RARS2: variants seen among roughly 807,000 people sequenced by gnomAD.
The protein encoded by RARS2 is arginyl-tRNA synthetase 2, mitochondrial.
A neutral mutation model predicts 88.5 loss-of-function variants in RARS2; 67 were observed. The ratio of observed to expected loss-of-function variants is 0.76; its 90% CI spans 0.62 to 0.93. The LOEUF is 0.93. RARS2 is among the 40% of genes least tolerant of loss of function. The pLI, the probability that RARS2 is intolerant of heterozygous loss-of-function variation, is 0.00. For synonymous variants in RARS2, 239 were observed against 230.3 expected (o/e 1.04, Z -0.34); for missense variants, 664 against 684.2 (o/e 0.97, Z 0.33).
intron 11 of RARS2, among the ~76,000 whole-genome samples, chr6:87,523,069 A>G (rs996369954): frequency 6.6e-6 from 1 of 152,214 alleles, no homozygotes; most frequent in Non-Finnish European, 1.5e-5. Flanking sequence ...AAATGTTGAG[A>G]AACAGTTGTA....
intron 8 of RARS2, among the ~76,000 whole-genome samples, chr6:87,536,375 A>C (rs894674747): frequency 6.6e-6 from 1 of 152,144 alleles, no homozygotes; most frequent in Non-Finnish European, 1.5e-5. Context: ...GGTGGCTCAC[A>C]CCTGTAATCC....
At chr6:87,570,238 T>G (rs1041747024) in intron 1 of RARS2, among the ~76,000 whole-genome samples, 1 of 152,112 alleles carries the variant, frequency 6.6e-6, no homozygotes, top group African/African-American at 2.4e-5. Context: ...ACTCCTGGCC[T>G]CATGTGATCC....
intron 1 of RARS2, among the ~76,000 whole-genome samples, chr6:87,575,887 C>T (rs1442098327): frequency 6.6e-6 from 1 of 150,546 alleles, no homozygotes; most frequent in Admixed American, 6.6e-5. Flanking sequence ...TGTGATCGCT[C>T]ACTGCAACCT....
At chr6:87,538,851 T>C (rs867806881) in intron 8 of RARS2, among the ~76,000 whole-genome samples, 7 of 151,966 alleles carry the variant, frequency 4.6e-5, no homozygotes, top group African/African-American at 1.2e-4. Context: ...CTGGGCAACA[T>C]AGGGAGACCC....
rs983738364 is a variant in RARS2, at chr6:87,535,447, AT to A, written c.613-4506del. 2.7e-4 allele frequency among the ~76,000 whole-genome samples: 41 copies of A among 151,716 alleles called. 1 individual carries two copies. The East Asian group carries it at 5.6e-3, about 21-fold the overall frequency. Reference sequence around the variant, plus strand: ...CTTTGATCTTGTCCTATTTAAAAAAATTTTTTTTTGCCTACTGATATGGGGA... The same window carrying A: ...CTTTGATCTTGTCCTATTTAAAAAAATTTTTTTTGCCTACTGATATGGGGA... On this transcript the variant is annotated intron_variant, in intron 8 of 19. Transcript: ENST00000369536.
At chr6:87,552,482 A>G (rs1273097147) in intron 5 of RARS2, among the ~76,000 whole-genome samples, 3 of 152,224 alleles carry the variant, frequency 2.0e-5, no homozygotes, top group African/African-American at 7.2e-5. Flanking sequence ...CTTCACCAGC[A>G]TTCAGACACT....
chr6:87,523,682 C>A (rs1253044419), intron 11 of RARS2, among the ~76,000 whole-genome samples: 1 of 152,088 alleles, frequency 6.6e-6, no homozygotes, highest in Non-Finnish European at 1.5e-5. Flanking sequence ...TGTTGAAAAA[C>A]TGACACCTAA....
chr6:87,540,316 G>A (rs1387216590), intron 8 of RARS2, among the ~76,000 whole-genome samples: 1 of 151,646 alleles, frequency 6.6e-6, no homozygotes, highest in African/African-American at 2.4e-5. Context: ...AGCTGGGTGT[G>A]GTGCTGGGCA....
chr6:87,578,282 T>C (rs897242474), intron 1 of RARS2, among the ~76,000 whole-genome samples: 3 of 152,238 alleles, frequency 2.0e-5, no homozygotes, highest in Non-Finnish European at 4.4e-5. Flanking sequence ...TAATACAGCC[T>C]GGATTTTGTA....
chr6:87,520,281 T>TA, intron 12 of RARS2, 25 bp from the exon 13 acceptor site: 1 of 1,509,546 alleles, frequency 6.6e-7, no homozygotes, highest in Non-Finnish European at 9.2e-7. Context: ...ATATATAAAA[T>TA]AAAAGAATAC....
chr6:87,558,001 C>T (rs1409459483), intron 4 of RARS2, among the ~76,000 whole-genome samples: 2 of 151,984 alleles, frequency 1.3e-5, no homozygotes, highest in African/African-American at 4.8e-5. Context: ...CATGGTGAAA[C>T]CCCATCTCTA....
chr6:87,519,482 T>C, intron 14 of RARS2, 101 bp downstream of exon 14: 1 of 1,339,442 alleles, frequency 7.5e-7, no homozygotes, highest in Admixed American at 1.8e-5. Context: ...TAGTGACACT[T>C]CAATGGAGGG....
chr6:87,578,539 G>GT (rs368894736), intron 1 of RARS2, among the ~76,000 whole-genome samples: 30 of 152,322 alleles, frequency 2.0e-4, no homozygotes, highest in African/African-American at 5.8e-4. Flanking sequence ...CCTGTTGAAT[G>GT]TTAAGCAGTA....
chr6:87,519,518 A>C, intron 14 of RARS2, 65 bp downstream of exon 14: 1 of 1,527,758 alleles, frequency 6.5e-7, no homozygotes, highest in Non-Finnish European at 9.1e-7. Context: ...CACACTGCCC[A>C]AAGTCCAGAA....
chr6:87,523,523 GAGAA>G (rs1441222132), intron 11 of RARS2, among the ~76,000 whole-genome samples: 1 of 152,096 alleles, frequency 6.6e-6, no homozygotes, highest in African/African-American at 2.4e-5. Flanking sequence ...AAAGAAAAAA[GAGAA>G]AGTACAGGTG....
At chr6:87,522,784 T>C (rs771877587) in intron 11 of RARS2, among the ~76,000 whole-genome samples, 5 of 152,162 alleles carry the variant, frequency 3.3e-5, no homozygotes, top group Non-Finnish European at 7.3e-5. Context: ...AGCCACTGCA[T>C]ATTTTTTGTA....
At chr6:87,569,230 A>T (rs945964894) in intron 2 of RARS2, among the ~76,000 whole-genome samples, 1 of 152,226 alleles carries the variant, frequency 6.6e-6, no homozygotes, top group African/African-American at 2.4e-5. Flanking sequence ...ACAGAATTGA[A>T]TTTGAACCTC....
intron 8 of RARS2, among the ~76,000 whole-genome samples, chr6:87,539,476 G>A (rs1780224148): frequency 6.6e-6 from 1 of 152,228 alleles, no homozygotes; most frequent in African/African-American, 2.4e-5. Flanking sequence ...ATTGGTCCAA[G>A]CAAGCATTAG....
chr6:87,527,785 C>T (rs1776233531), intron 10 of RARS2, among the ~76,000 whole-genome samples: 1 of 151,444 alleles, frequency 6.6e-6, no homozygotes, highest in African/African-American at 2.4e-5. Context: ...CCAAAGAAGC[C>T]ATTATTCTCA....
Sources: gnomAD v4.1 joint callset for allele counts (sites outside exome capture counted in the v4.1 genomes callset) on GRCh38, gnomAD v4.1.1 for gene constraint, MANE v1.5 for transcripts, NCBI Gene and HGNC (gene_info 2026-07-23, HGNC 2026-07-21) for gene names.